The following ADCY5 variants were observed in gnomAD, a reference collection of about 807,000 sequenced individuals.
ADCY5 encodes adenylate cyclase type 5.
A neutral mutation model predicts 119.7 loss-of-function variants in ADCY5; 30 were observed. That is an observed-to-expected ratio of 0.25 (90% CI 0.19 to 0.34). The LOEUF (loss-of-function observed/expected upper bound fraction) is 0.34, where lower values mean the gene tolerates loss of function less well. Ranked by LOEUF, ADCY5 falls within the 10% of genes least tolerant of loss-of-function variation. The pLI is 1.00. For missense variants in ADCY5, 1,324 were observed against 1,775.2 expected (o/e 0.75, Z 4.57); for synonymous variants, 753 against 762.2 (o/e 0.99, Z 0.20).
At chr3:123,288,866 G>GC (rs1461133061) in intron 19 of ADCY5, among the ~76,000 whole-genome samples, 1 of 152,188 alleles carries the variant, frequency 6.6e-6, no homozygotes, top group Non-Finnish European at 1.5e-5. Flanking sequence ...TATCGGCACA[G>GC]CCCCTCCAGA....
chr3:123,331,219 G>A (rs1226023959), intron 4 of ADCY5, among the ~76,000 whole-genome samples: 1 of 152,192 alleles, frequency 6.6e-6, no homozygotes. Context: ...TGGGGATGGA[G>A]GGATGGGCTG....
In ADCY5 at chr3:123,303,186, A is replaced by T. The variant is rs539257415; in HGVS notation, c.2593T>A (p.Leu865Met). The change falls in exon 14 of 21, where the codon TTG becomes ATG. Residue 865 changes from leucine to methionine, a missense_variant. Physicochemically the swap from Leu to Met is conservative, Grantham distance 15. Transcript: ENST00000462833. Reference sequence around the variant, plus strand: ...GCGCTGATGTTGTGCTCCTGTGCCAAGCAGCCCAGCAGGTCCCTGGAGTTG... The same window carrying T: ...GCGCTGATGTTGTGCTCCTGTGCCATGCAGCCCAGCAGGTCCCTGGAGTTG... ...TCNSRDLLGC[L>M]AQEHNISASQ... is the part of the protein sequence containing the mutation. The T allele has an allele frequency of 3.7e-6, 6 of 1,613,810 alleles. No homozygotes were observed. The East Asian group carries it at 1.1e-4, about 30-fold the overall frequency.
chr3:123,325,111 T>C (rs1941414813), intron 8 of ADCY5, among the ~76,000 whole-genome samples: 1 of 152,218 alleles, frequency 6.6e-6, no homozygotes, highest in South Asian at 2.1e-4. Flanking sequence ...CAAAGCCTAA[T>C]GAGGCATGCC....
chr3:123,427,124 C>T (rs1945432779), intron 1 of ADCY5, among the ~76,000 whole-genome samples: 2 of 152,140 alleles, frequency 1.3e-5, no homozygotes, highest in African/African-American at 2.4e-5. Flanking sequence ...TGCCCAGGGG[C>T]TCCCTGTGTC....
chr3:123,417,337 C>G (rs1945206822), intron 1 of ADCY5, among the ~76,000 whole-genome samples: 1 of 152,248 alleles, frequency 6.6e-6, no homozygotes, highest in South Asian at 2.1e-4. Context: ...TCTCCTCATT[C>G]CTCTTCCTGG....
chr3:123,286,354 C>G lies in ADCY5; in HGVS notation c.3657+331G>C, dbSNP rs372752553. On this transcript the variant is annotated intron_variant, in intron 20 of 20. Transcript: ENST00000462833. This position sits in a 1 kb window ranked among gnomAD's most constrained non-coding sequence, Gnocchi z 4.2. ...CTCCCTGCAGACATCTTTGCATCCTCTCTGTGTGCCTGGGCTAGGAGGCAC... is the reference window on the plus strand; with the variant it reads ...CTCCCTGCAGACATCTTTGCATCCTGTCTGTGTGCCTGGGCTAGGAGGCAC... Among the ~76,000 whole-genome samples, 18 of 152,312 alleles carry G rather than the reference C, an allele frequency of 1.2e-4. No individual in the cohort carries two copies. Among genetic ancestry groups the G allele is most frequent in the African/African-American group, 3.6e-4 (15 of 41,566 alleles).
chr3:123,351,996 G>A (rs918248492), intron 2 of ADCY5, among the ~76,000 whole-genome samples: 1 of 152,220 alleles, frequency 6.6e-6, no homozygotes, highest in East Asian at 1.9e-4. Flanking sequence ...GACAGCTCCT[G>A]TCTCCTCTTC....
At chr3:123,445,866 C>T (rs1945803733) in intron 1 of ADCY5, among the ~76,000 whole-genome samples, 1 of 152,134 alleles carries the variant, frequency 6.6e-6, no homozygotes, top group Admixed American at 6.5e-5. Context: ...TTTGTGCATC[C>T]ATGGAGGTTA....
intron 6 of ADCY5, among the ~76,000 whole-genome samples, 156 bp from the exon 7 acceptor site, chr3:123,327,915 A>AC (rs1941573053): frequency 6.6e-6 from 1 of 152,040 alleles, no homozygotes; most frequent in South Asian, 2.1e-4. Context: ...CTTGCATGGT[A>AC]CCCTCCATTA....
chr3:123,448,169 C>A lies in ADCY5; in HGVS notation c.377G>T (p.Gly126Val). Reference sequence around the variant, plus strand: ...GCCCGCAGGGGGCGCCCGGGTGCTGCCCCCGCTGGCCGCGCCCCGCCGCTG... The same window carrying A: ...GCCCGCAGGGGGCGCCCGGGTGCTGACCCCGCTGGCCGCGCCCCGCCGCTG... Reference protein sequence around the residue: ...RRQRRGAASGGSTRAPPAGGG... With the variant: ...RRQRRGAASGVSTRAPPAGGG... Residue 126 changes from glycine to valine, a missense_variant, in exon 1 of 21, where the codon GGC becomes GTC. Coordinates refer to ENST00000462833, the MANE Select transcript of ADCY5 (RefSeq NM_183357.3). 1 of 1,138,694 alleles carries A rather than the reference C, an allele frequency of 8.8e-7. No homozygotes were observed. Among genetic ancestry groups the A allele is most frequent in the Non-Finnish European group, 1.1e-6 (1 of 930,184 alleles). 70.5% of individuals were successfully genotyped at this position (1,138,694 alleles called of 1,614,324 possible).
chr3:123,330,115 T>G (rs1382539738), intron 5 of ADCY5, among the ~76,000 whole-genome samples: 1 of 152,248 alleles, frequency 6.6e-6, no homozygotes, highest in Non-Finnish European at 1.5e-5. Context: ...GGAGACTGAT[T>G]GTCTAGCTCA....
At chr3:123,426,825 C>T (rs1945425435) in intron 1 of ADCY5, among the ~76,000 whole-genome samples, 1 of 152,100 alleles carries the variant, frequency 6.6e-6, no homozygotes, top group African/African-American at 2.4e-5. Context: ...ATGAGGTCCT[C>T]AGAGGCACTC....
chr3:123,432,920 A>G (rs116826182), intron 1 of ADCY5, among the ~76,000 whole-genome samples: 3,395 of 152,276 alleles, frequency 0.022, 132 homozygotes, highest in African/African-American at 0.075. Flanking sequence ...AAGCACCCAG[A>G]GGGACCCCTT....
chr3:123,359,354 A>ATATATATATATATATATATATATG lies in ADCY5; in HGVS notation c.1135-6774_1135-6773insCATATATATATATATATATATATA, dbSNP rs1943161228. ...AAAATATATATATATATATATATAT[A>ATATATATATATATATATATATATG]TATATATATTCATTATTTATCTGAA... On this transcript the variant is annotated intron_variant, in intron 1 of 20. Coordinates refer to ENST00000462833, the MANE Select transcript of ADCY5 (RefSeq NM_183357.3). Among the ~76,000 whole-genome samples the ATATATATATATATATATATATATG allele has an allele frequency of 1.6e-4, 17 of 105,750 alleles. 1 individual carries two copies. Among genetic ancestry groups the ATATATATATATATATATATATATG allele is most frequent in the African/African-American group, 5.7e-4 (17 of 29,634 alleles). The allele number at this position is 105,750 out of a possible 152,430, so 69.4% of individuals were successfully genotyped here.
chr3:123,345,409 C>T (rs1294390871), intron 3 of ADCY5, among the ~76,000 whole-genome samples: 2 of 152,164 alleles, frequency 1.3e-5, no homozygotes, highest in Admixed American at 1.3e-4. Context: ...ACTGAATGAG[C>T]GAAACCTGCA....
rs746695130 is a variant in ADCY5, at chr3:123,447,578, C to T, written c.968G>A (p.Arg323His). The change falls in exon 1 of 21, where the codon CGC becomes CAC. Residue 323 changes from arginine to histidine, a missense_variant. Coordinates refer to ENST00000462833, the MANE Select transcript of ADCY5 (RefSeq NM_183357.3). ...QVVGLLLPQP[R>H]SASEGIWWTV... ...CCACCAGATGCCCTCAGAGGCGCTG[C>T]GTGGCTGCGGCAGCAGCAGGCCCAC... is the stretch of plus-strand genomic sequence containing the variant. 2 of 1,608,156 alleles carry T rather than the reference C, an allele frequency of 1.2e-6. No homozygotes were observed. The highest frequency in any genetic ancestry group is 1.7e-6 in the Non-Finnish European group (2 of 1,179,386).
At chr3:123,405,516 G>C (rs577695558) in intron 1 of ADCY5, among the ~76,000 whole-genome samples, 4 of 152,358 alleles carry the variant, frequency 2.6e-5, no homozygotes, top group South Asian at 2.1e-4. Context: ...GACAGGAGGG[G>C]AGAGGTGCCT....
chr3:123,343,956 G>A (rs558676398), intron 3 of ADCY5, among the ~76,000 whole-genome samples: 7 of 152,316 alleles, frequency 4.6e-5, no homozygotes, highest in East Asian at 3.9e-4. Flanking sequence ...TCTGGCCTGC[G>A]TCTGCCCACG....
rs534171744 is a variant in ADCY5 at position 123,346,093 on chromosome 3, G to A, written c.1406+1689C>T. ...TGTGGGTTTAAGTGAGTAGATGAAC[G>A]CACGTAGGGCGGTGGCTGGTTCAGG... On this transcript the variant is annotated intron_variant, in intron 3 of 20. Coordinates refer to ENST00000462833, the MANE Select transcript of ADCY5 (RefSeq NM_183357.3). Among the ~76,000 whole-genome samples the A allele has an allele frequency of 1.3e-4, 20 of 152,304 alleles. No homozygotes were observed. In the East Asian group the frequency reaches 1.7e-3, roughly 13 times the overall value.
Sources: gnomAD v4.1 joint callset for allele counts (sites outside exome capture counted in the v4.1 genomes callset) on GRCh38, gnomAD v4.1.1 for gene constraint, Gnocchi (gnomAD v3.1) non-coding constraint, MANE v1.5 for transcripts, NCBI Gene and HGNC (gene_info 2026-07-23, HGNC 2026-07-21) for gene names.